Variants in ALPK1 observed in about 807,000 individuals in gnomAD.
The protein encoded by ALPK1 is alpha kinase 1.
Under a neutral mutation model 120.6 loss-of-function variants are expected in ALPK1, and 110 were observed. The observed-to-expected ratio is 0.91, with a 90% CI of 0.78 to 1.07. The LOEUF (loss-of-function observed/expected upper bound fraction) is 1.07. ALPK1 is among the 50% of genes least tolerant of loss of function. The pLI, the probability that ALPK1 is intolerant of heterozygous loss-of-function variation, is 0.00. For missense variants in ALPK1, 1,498 were observed against 1,483.9 expected (o/e 1.01, Z -0.16); for synonymous variants, 582 against 560.3 (o/e 1.04, Z -0.55).
intron 2 of ALPK1, among the ~76,000 whole-genome samples, chr4:112,370,840 C>T (rs1171292847): frequency 6.6e-6 from 1 of 152,106 alleles, no homozygotes; most frequent in Non-Finnish European, 1.5e-5. Flanking sequence ...CATGAATTAC[C>T]TTGGAAATCT....
chr4:112,436,537 A>T (rs1560690373), intron 12 of ALPK1, among the ~76,000 whole-genome samples: 1 of 152,248 alleles, frequency 6.6e-6, no homozygotes. Flanking sequence ...CCCTGATCCA[A>T]TATGACTGAT....
intron 1 of ALPK1, among the ~76,000 whole-genome samples, chr4:112,299,227 G>A (rs1043507519): frequency 3.3e-5 from 5 of 152,018 alleles, no homozygotes; most frequent in African/African-American, 4.8e-5. Flanking sequence ...TTAAAAGAAA[G>A]AATATTATCT....
intron 4 of ALPK1, among the ~76,000 whole-genome samples, chr4:112,401,385 G>T (rs772864958): frequency 4.6e-5 from 7 of 152,184 alleles, no homozygotes; most frequent in Non-Finnish European, 7.3e-5. Context: ...TGCTATAGAA[G>T]AAGGAAACTG....
chr4:112,316,667 A>C (rs766912741), intron 2 of ALPK1, among the ~76,000 whole-genome samples: 6 of 152,108 alleles, frequency 3.9e-5, no homozygotes, highest in Non-Finnish European at 7.4e-5. Flanking sequence ...CAGCCATCTT[A>C]ATGGGTGTGA....
At chr4:112,437,596 C>G (rs751964784) in intron 12 of ALPK1, among the ~76,000 whole-genome samples, 4 of 152,216 alleles carry the variant, frequency 2.6e-5, no homozygotes, top group Non-Finnish European at 5.9e-5. Context: ...GCCTAAAGCA[C>G]TGGTATGGCA....
At chr4:112,379,268 T>C (rs981626690) in intron 3 of ALPK1, among the ~76,000 whole-genome samples, 2 of 152,344 alleles carry the variant, frequency 1.3e-5, no homozygotes, top group Middle Eastern at 3.4e-3. Context: ...GTAATCAGTT[T>C]AGTTCCAGAT....
intron 5 of ALPK1, among the ~76,000 whole-genome samples, chr4:112,422,558 G>A (rs1371051513): frequency 1.3e-5 from 2 of 152,142 alleles, no homozygotes; most frequent in Non-Finnish European, 2.9e-5. Flanking sequence ...CACCCTTCAA[G>A]TCTCCAAAGT....
chr4:112,355,355 G>A (rs1422525966), intron 2 of ALPK1, among the ~76,000 whole-genome samples: 3 of 152,198 alleles, frequency 2.0e-5, no homozygotes, highest in South Asian at 4.1e-4. Context: ...GACTCAGGGA[G>A]GCCCACCCGG....
At chr4:112,338,948 C>CA (rs1560643381) in intron 2 of ALPK1, among the ~76,000 whole-genome samples, 1 of 152,214 alleles carries the variant, frequency 6.6e-6, no homozygotes, top group African/African-American at 2.4e-5. Context: ...ACACCAAACT[C>CA]AGAGTTCCTT....
chr4:112,441,205 A>C lies in ALPK1; in HGVS notation c.3730A>C (p.Thr1244Pro). ...AATATCTGGTTCTCTCCTTCCAGGC[A>C]CATAGAATACGGCACAGTCTGGTCC... is the stretch of plus-strand genomic sequence containing the variant. ...LTRPSMEKPC[T>P] The change falls in exon 16 of 16, where the codon ACA (threonine) becomes CCA (proline). Residue 1244 changes from threonine (T) to proline (P), a missense_variant and splice_region_variant. Thr to Pro is a conservative substitution (Grantham distance 38, BLOSUM62 -1). Transcript: ENST00000650871. The C allele has an allele frequency of 6.3e-7, 1 of 1,595,304 alleles. No individual in the cohort carries two copies. The highest frequency in any genetic ancestry group is 8.6e-7 in the Non-Finnish European group (1 of 1,162,854).
At position 112,358,963 on chromosome 4, in the gene ALPK1, A is replaced by G; in HGVS notation, c.-100-18715A>G. ...GGCTTCTACCAGTTTGTGCAGCCCC[A>G]CCACAAGCAGCAGTTTGAGGAGGTC... is the stretch of plus-strand genomic sequence containing the variant. On this transcript the variant is annotated intron_variant, in intron 2 of 15. Coordinates refer to ENST00000650871, the MANE Select transcript of ALPK1 (RefSeq NM_025144.4). 10 of 768,934 alleles carry G rather than the reference A, an allele frequency of 1.3e-5. No homozygotes were observed. The South Asian group carries it at 1.3e-4, about 10-fold the overall frequency. The allele number at this position is 768,934 out of a possible 1,614,324, so 47.6% of individuals were successfully genotyped here.
At chr4:112,353,868 C>CAAATAAATAAATAAATAAAT (rs150299871) in intron 2 of ALPK1, among the ~76,000 whole-genome samples, 3 of 148,812 alleles carry the variant, frequency 2.0e-5, no homozygotes, top group African/African-American at 7.6e-5. Context: ...GACTCTGTCT[C>CAAATAAATAAATAAATAAAT]AAATAAATAA....
chr4:112,427,095 G>A (rs1734268086), intron 8 of ALPK1, among the ~76,000 whole-genome samples: 2 of 152,124 alleles, frequency 1.3e-5, no homozygotes, highest in East Asian at 3.9e-4. Flanking sequence ...TTACAATACA[G>A]ACTGATATGA....
At chr4:112,324,756 T>A (rs1334301226) in intron 2 of ALPK1, among the ~76,000 whole-genome samples, 1 of 152,088 alleles carries the variant, frequency 6.6e-6, no homozygotes, top group Non-Finnish European at 1.5e-5. Context: ...GAATTACAGG[T>A]GTTAGCTACT....
At chr4:112,299,101 G>C (rs1199552906) in intron 1 of ALPK1, among the ~76,000 whole-genome samples, 2 of 151,732 alleles carry the variant, frequency 1.3e-5, no homozygotes, top group Non-Finnish European at 2.9e-5. Flanking sequence ...ATTTTGTATT[G>C]TATTTGTTGC....
At chr4:112,300,156 A>G (rs956392839) in intron 1 of ALPK1, among the ~76,000 whole-genome samples, 1 of 152,212 alleles carries the variant, frequency 6.6e-6, no homozygotes, top group Non-Finnish European at 1.5e-5. Context: ...CCCATAAAAC[A>G]TGATAGGATA....
At chr4:112,357,585 C>G in intron 2 of ALPK1, 1 of 1,545,764 alleles carries the variant, frequency 6.5e-7, no homozygotes, top group Non-Finnish European at 8.9e-7. Context: ...CCTCCTTTGC[C>G]CTGGAGTTGC....
At chr4:112,438,833 G>T (rs1433572358) in intron 13 of ALPK1, among the ~76,000 whole-genome samples, 187 bp downstream of exon 13, 1 of 152,124 alleles carries the variant, frequency 6.6e-6, no homozygotes, top group East Asian at 1.9e-4. Context: ...CCCTCAACAT[G>T]ATACATAAAT....
chr4:112,441,311 G>A lies in ALPK1; in HGVS notation c.*101G>A, dbSNP rs1735033438. 1.2e-6 allele frequency: 1 copy of A among 856,702 alleles called. No individual in the cohort carries two copies. Among genetic ancestry groups the A allele is most frequent in the East Asian group, 2.4e-5 (1 of 41,520 alleles). 53.1% of individuals were successfully genotyped at this position (856,702 alleles called of 1,614,324 possible). A position where few individuals can be genotyped will look rare whatever the true frequency, so the allele number is the denominator to read the frequency against. On this transcript the variant is annotated 3_prime_UTR_variant, in exon 16 of 16. Transcript: ENST00000650871. ...ATTGATCAGTATCACTTTAAGTCCT[G>A]CATTTAATTGGCAGCACAAGATCCT...
Sources: allele counts gnomAD v4.1 joint callset (sites outside exome capture counted in the v4.1 genomes callset), GRCh38; gene constraint gnomAD v4.1.1; transcripts MANE v1.5; gene names NCBI Gene and HGNC (gene_info 2026-07-23, HGNC 2026-07-21).